ROR2: variants seen among roughly 807,000 people sequenced by gnomAD.
The protein encoded by ROR2 is tyrosine-protein kinase transmembrane receptor ROR2.
ROR2 carries 33 observed loss-of-function variants against 74.9 expected under a neutral mutation model. That is an observed-to-expected ratio of 0.44 (90% CI 0.33 to 0.59). The LOEUF (loss-of-function observed/expected upper bound fraction) is 0.59, where lower values mean the gene tolerates loss of function less well. ROR2 is among the 20% of genes least tolerant of loss of function. ROR2 has a pLI of 0.02. For missense variants in ROR2, 1,216 were observed against 1,313.8 expected (o/e 0.93, Z 1.15); for synonymous variants, 586 against 558.7 (o/e 1.05, Z -0.69).
In ROR2 at chr9:91,899,605, GA is replaced by G. The variant is rs1167976105; in HGVS notation, c.97+50261del. 5.3e-5 allele frequency among the ~76,000 whole-genome samples: 8 copies of G among 152,120 alleles called. No individual in the cohort carries two copies. In the East Asian group the frequency reaches 1.5e-3, roughly 29 times the overall value. On this transcript the variant is annotated intron_variant, in intron 1 of 8. Transcript: ENST00000375708. ...TGGCACTGAGCAGGTGGGCAGGAGA[GA>G]ACAGAGCCTCCTCCGTCCCCAAGGA... is the stretch of plus-strand genomic sequence containing the variant.
In ROR2 at chr9:91,723,762, T is replaced by C; in HGVS notation, c.2732A>G (p.Glu911Gly). 1 of 1,613,832 alleles carries C rather than the reference T, an allele frequency of 6.2e-7. No homozygotes were observed. The highest frequency in any genetic ancestry group is 8.5e-7 in the Non-Finnish European group (1 of 1,180,034). Reference protein sequence around the residue: ...PEDGAQSTVQEAEEEEEGSVP... With the variant: ...PEDGAQSTVQGAEEEEEGSVP... ...AGAGCCTTCCTCCTCCTCCTCTGCT[T>C]CCTGCACGGTGCTCTGGGCCCCATC... The change falls in exon 9 of 9, where the codon GAA (glutamate) becomes GGA (glycine). Residue 911 changes from glutamate (E) to glycine (G), a missense_variant. Physicochemically the swap from Glu to Gly is moderately conservative, Grantham distance 98 (BLOSUM62 -2). Coordinates refer to ENST00000375708, the MANE Select transcript of ROR2 (RefSeq NM_004560.4).
chr9:91,744,777 A>G (rs1244145992), intron 4 of ROR2, among the ~76,000 whole-genome samples: 2 of 152,226 alleles, frequency 1.3e-5, no homozygotes, highest in Admixed American at 1.3e-4. Context: ...TAAGGTGGCC[A>G]GAGGCAGAGA....
At chr9:91,894,241 C>T (rs919759743) in intron 1 of ROR2, among the ~76,000 whole-genome samples, 2 of 152,236 alleles carry the variant, frequency 1.3e-5, no homozygotes, top group African/African-American at 4.8e-5. Flanking sequence ...ACCAAGAAGT[C>T]TCTTCTCTCA....
At position 91,757,431 on chromosome 9, in the gene ROR2, C is replaced by G; in HGVS notation, c.304G>C (p.Val102Leu). 1 of 1,613,964 alleles carries G rather than the reference C, an allele frequency of 6.2e-7. No homozygotes were observed. The highest frequency in any genetic ancestry group is 8.5e-7 in the Non-Finnish European group (1 of 1,180,002). ...NVRWLKNDAP[V>L]VQEPRRIIIR... ...ATGATCCGCCGCGGCTCCTGCACCA[C>G]CGGGGCATCATTCTTTAGCCACCGC... Residue 102 changes from valine (V) to leucine (L), a missense_variant, in exon 3 of 9, where the codon GTG becomes CTG. Val to Leu is a conservative substitution (Grantham distance 32). Transcript: ENST00000375708.
chr9:91,769,582 T>C (rs1419857051), intron 2 of ROR2, among the ~76,000 whole-genome samples: 2 of 152,080 alleles, frequency 1.3e-5, no homozygotes, highest in Non-Finnish European at 2.9e-5. Flanking sequence ...GTCATAGCCT[T>C]GCTGCTCTGA....
At chr9:91,777,166 C>T (rs2118940550) in intron 1 of ROR2, among the ~76,000 whole-genome samples, 2 of 152,328 alleles carry the variant, frequency 1.3e-5, no homozygotes, top group Middle Eastern at 6.8e-3. Flanking sequence ...TGTTATCTTC[C>T]TATACTACAT....
chr9:91,817,171 G>A (rs867755131), intron 1 of ROR2, among the ~76,000 whole-genome samples: 28 of 152,086 alleles, frequency 1.8e-4, no homozygotes, highest in African/African-American at 6.3e-4. Context: ...CTGGTGAGGC[G>A]GTTGGCTTGG....
chr9:91,935,690 C>T (rs1369578126), intron 1 of ROR2, among the ~76,000 whole-genome samples: 2 of 152,200 alleles, frequency 1.3e-5, no homozygotes, highest in African/African-American at 2.4e-5. Context: ...TGTCTTTCTA[C>T]CAGCACCCAC....
rs79142848 is a variant in ROR2, at chr9:91,808,006, T to C, written c.98-32188A>G. On this transcript the variant is annotated intron_variant, in intron 1 of 8. Transcript: ENST00000375708. ...AGCCTGTCTATACCAGTTGTATTTG[T>C]TACTATAATTATGTTGTTTAGGTAC... 8.0e-3 allele frequency among the ~76,000 whole-genome samples: 1,216 copies of C among 152,280 alleles called. 11 individuals are homozygous for C. The Middle Eastern group carries it at 0.082, about 10-fold the overall frequency.
rs747984829 is a variant in ROR2 at position 91,726,657 on chromosome 9, A to G, written c.1270T>C (p.Leu424=). Residue 424 remains leucine (L), a synonymous_variant, in exon 8 of 9, where the codon TTG becomes CTG. Coordinates refer to ENST00000375708, the MANE Select transcript of ROR2 (RefSeq NM_004560.4). ...TGCTTATTCCGGCACATGCAAACCA[A>G]GAAGAAAAGGCAAGCGATGACCAGT... The part of the protein sequence containing the change: ...IPLVIACLFF[L]VCMCRNKQKA... The G allele has an allele frequency of 1.2e-6, 2 of 1,614,058 alleles. No individual in the cohort carries two copies. The highest frequency in any genetic ancestry group is 1.1e-5 in the South Asian group (1 of 91,064).
chr9:91,931,848 A>C (rs1003876000), intron 1 of ROR2, among the ~76,000 whole-genome samples: 7 of 152,274 alleles, frequency 4.6e-5, no homozygotes, highest in Admixed American at 6.5e-5. Flanking sequence ...GGGACAATTT[A>C]TAGCCTTAAG....
chr9:91,769,137 C>T (rs1056545999), intron 2 of ROR2, among the ~76,000 whole-genome samples: 1 of 152,060 alleles, frequency 6.6e-6, no homozygotes. Context: ...TGCCTGGAAG[C>T]TTCCCTCCAC....
chr9:91,891,247 C>T lies in ROR2; in HGVS notation c.97+58620G>A, dbSNP rs561081139. Among the ~76,000 whole-genome samples the T allele has an allele frequency of 4.3e-3, 573 of 132,414 alleles. 5 individuals carry two copies. Among genetic ancestry groups the T allele is most frequent in the African/African-American group, 0.017 (531 of 31,244 alleles). 86.9% of individuals were successfully genotyped at this position (132,414 alleles called of 152,430 possible). On this transcript the variant is annotated intron_variant, in intron 1 of 8. Coordinates refer to ENST00000375708, the MANE Select transcript of ROR2 (RefSeq NM_004560.4). Reference sequence around the variant, plus strand: ...AAATCAAGTTGTCAGCAGGGCTGTTCCTTTCTTTTTTTTTTTTTTTTTCTT... The same window carrying T: ...AAATCAAGTTGTCAGCAGGGCTGTTTCTTTCTTTTTTTTTTTTTTTTTCTT...
intron 1 of ROR2, among the ~76,000 whole-genome samples, chr9:91,906,253 G>A (rs1213422209): frequency 6.6e-6 from 1 of 152,188 alleles, no homozygotes; most frequent in African/African-American, 2.4e-5. Context: ...AGCAGGACTG[G>A]ACAATTCTGT....
intron 1 of ROR2, among the ~76,000 whole-genome samples, chr9:91,909,894 G>A (rs1040106290): frequency 1.2e-5 from 1 of 81,176 alleles, no homozygotes; most frequent in African/African-American, 4.9e-5. Context: ...TCAGAGTCTT[G>A]CTCTGTGGCC....
intron 1 of ROR2, among the ~76,000 whole-genome samples, chr9:91,877,182 T>A (rs1332557426): frequency 2.0e-5 from 3 of 152,086 alleles, no homozygotes; most frequent in African/African-American, 7.2e-5. Context: ...CACGTGCAGG[T>A]GGAAATTACA....
intron 1 of ROR2, among the ~76,000 whole-genome samples, chr9:91,892,480 A>G (rs2119401364): frequency 6.6e-6 from 1 of 151,922 alleles, no homozygotes; most frequent in East Asian, 1.9e-4. Context: ...GAGGGGATGA[A>G]ACAGATTAAA....
intron 1 of ROR2, among the ~76,000 whole-genome samples, chr9:91,784,802 C>G (rs897540134): frequency 2.0e-5 from 3 of 152,230 alleles, no homozygotes; most frequent in African/African-American, 7.2e-5. Flanking sequence ...AAAGTCCTAA[C>G]CTAACCACTC....
intron 1 of ROR2, among the ~76,000 whole-genome samples, chr9:91,825,626 A>G (rs1280062664): frequency 1.3e-5 from 2 of 152,194 alleles, no homozygotes; most frequent in Admixed American, 6.5e-5. Flanking sequence ...CAGGGGGCAC[A>G]CATCCAATGT....
Sources: gnomAD v4.1 joint callset for allele counts (sites outside exome capture counted in the v4.1 genomes callset) on GRCh38, gnomAD v4.1.1 for gene constraint, MANE v1.5 for transcripts, NCBI Gene and HGNC (gene_info 2026-07-23, HGNC 2026-07-21) for gene names.